CYP2S1: variants seen among roughly 807,000 people sequenced by gnomAD.
CYP2S1 encodes the protein cytochrome P450 family 2 subfamily S member 1.
CYP2S1 carries 32 observed loss-of-function variants against 43.5 expected under a neutral mutation model. The ratio of observed to expected loss-of-function variants is 0.74; its 90% CI spans 0.56 to 0.99. The LOEUF is 0.99. Ranked by LOEUF, CYP2S1 falls within the 50% of genes least tolerant of loss-of-function variation. The pLI is 0.00. For synonymous variants in CYP2S1, 283 were observed against 302.9 expected (o/e 0.93, Z 0.68); for missense variants, 575 against 673.9 (o/e 0.85, Z 1.62).
At chr19:41,198,000 T>C in intron 3 of CYP2S1, 72 bp downstream of exon 3, 1 of 1,511,576 alleles carries the variant, frequency 6.6e-7, no homozygotes, top group Non-Finnish European at 8.8e-7. Context: ...TGGCTGGGGG[T>C]GGCCCCAACC....
At chr19:41,204,155 C>T (rs748117466) in intron 7 of CYP2S1, among the ~76,000 whole-genome samples, 11 of 152,132 alleles carry the variant, frequency 7.2e-5, no homozygotes, top group Non-Finnish European at 1.5e-4. Flanking sequence ...GCCACCGCAC[C>T]CAGCCATGCT....
Position 41,206,074 on chromosome 19 carries a change from T to C in CYP2S1, c.1281T>C (p.His427=). ...FLDADGRFRK[H]EAFLPFSLGK... ...ATGCAGATGGACGGTTCAGGAAGCA[T>C]GAGGCGTTCCTGCCCTTCTCCTTAG... The change falls in exon 8 of 9, where the codon CAT becomes CAC. Residue 427 remains histidine, a synonymous_variant. Transcript: ENST00000310054. The C allele has an allele frequency of 1.2e-6, 2 of 1,614,042 alleles. No homozygotes were observed. The highest frequency in any genetic ancestry group is 1.7e-6 in the Non-Finnish European group (2 of 1,180,004).
Position 41,198,239 on chromosome 19 carries a change from G to A in CYP2S1, c.494-223G>A, listed in dbSNP as rs2033439895. On this transcript the variant is annotated intron_variant, in intron 3 of 8. Coordinates refer to ENST00000310054, the MANE Select transcript of CYP2S1 (RefSeq NM_030622.8). The surrounding 1 kb of genome is among the most constrained non-coding windows in gnomAD (Gnocchi z 4.9). ...TTTTTTGGGCCCTCAGTCTATCTCTGTTTCTGTCTCCCTGTCTGTGTGATG... is the reference window on the plus strand; with the variant it reads ...TTTTTTGGGCCCTCAGTCTATCTCTATTTCTGTCTCCCTGTCTGTGTGATG... Among the ~76,000 whole-genome samples the A allele has an allele frequency of 6.6e-6, 1 of 151,468 alleles. No individual in the cohort carries two copies. The highest frequency in any genetic ancestry group is 2.4e-5 in the African/African-American group (1 of 41,134).
Position 41,197,794 on chromosome 19 carries a change from A to G in CYP2S1, c.359A>G (p.Asn120Ser), listed in dbSNP as rs759122800. Residue 120 changes from asparagine to serine, a missense_variant, in exon 3 of 9, where the codon AAC (asparagine) becomes AGC (serine). By Grantham distance (46) the Asn-to-Ser change is conservative (BLOSUM62 1). This residue lies in a region of CYP2S1 where 353 missense variants were observed against 367.6 expected (regional missense o/e 0.96). Coordinates refer to ENST00000310054, the MANE Select transcript of CYP2S1 (RefSeq NM_030622.8). The stretch of plus-strand genomic sequence containing the variant: ...TTCTGCGCAGGGGTTTTCTTCTCCA[A>G]CGGGGAGCGGTGGAGGCAGCTGAGG... The part of the protein sequence containing the change: ...TFDGHGVFFS[N>S]GERWRQLRKF... 8 of 1,613,926 alleles carry G rather than the reference A, an allele frequency of 5.0e-6. No individual in the cohort carries two copies. The highest frequency in any genetic ancestry group is 4.5e-5 in the East Asian group (2 of 44,880).
At chr19:41,206,168 G>A (rs544380798) in intron 8 of CYP2S1, 69 bp downstream of exon 8, 1 of 1,604,106 alleles carries the variant, frequency 6.2e-7, no homozygotes, top group Non-Finnish European at 8.5e-7. Context: ...CCAGCTGGGG[G>A]CACCCTTCTG....
rs759057974 is a variant in CYP2S1, at chr19:41,206,738, A to C, written c.*250A>C. ...TGCTGGGTTAGCTTTCCACAGACATAAATATAGTCCATCTGCAATCACAAG... is the reference window on the plus strand; with the variant it reads ...TGCTGGGTTAGCTTTCCACAGACATCAATATAGTCCATCTGCAATCACAAG... On this transcript the variant is annotated 3_prime_UTR_variant, in exon 9 of 9. Coordinates refer to ENST00000310054, the MANE Select transcript of CYP2S1 (RefSeq NM_030622.8). 1 of 732,376 alleles carries C rather than the reference A, an allele frequency of 1.4e-6. No homozygotes were observed. The highest frequency in any genetic ancestry group is 2.5e-6 in the Non-Finnish European group (1 of 397,892). The allele number at this position is 732,376 out of a possible 1,614,324, so 45.4% of individuals were successfully genotyped here.
intron 1 of CYP2S1, chr19:41,193,896 G>T: frequency 6.3e-6 from 1 of 157,742 alleles, no homozygotes; most frequent in Non-Finnish European, 1.4e-5. Context: ...AGGCTGGAGG[G>T]TTGCAGGCTC....
Position 41,201,682 on chromosome 19 carries a change from C to T in CYP2S1, c.976+310C>T, listed in dbSNP as rs150158868. On this transcript the variant is annotated intron_variant, in intron 6 of 8. Coordinates refer to ENST00000310054, the MANE Select transcript of CYP2S1 (RefSeq NM_030622.8). ...TCACACCACTGCACTCCAGCCTGGGCGACAGAGCGAGACACTGTTTCAAAA... is the reference window on the plus strand; with the variant it reads ...TCACACCACTGCACTCCAGCCTGGGTGACAGAGCGAGACACTGTTTCAAAA... 2.4e-3 allele frequency among the ~76,000 whole-genome samples: 367 copies of T among 151,514 alleles called. 10 individuals carry two copies. In the East Asian group the frequency reaches 0.061, roughly 25 times the overall value.
Position 41,198,778 on chromosome 19 carries a change from A to C in CYP2S1, c.724A>C (p.Ser242Arg), listed in dbSNP as rs753489997. Residue 242 changes from serine to arginine, a missense_variant, in exon 5 of 9, where the codon AGC becomes CGC. Physicochemically the swap from Ser to Arg is moderately radical, Grantham distance 110. Coordinates refer to ENST00000310054, the MANE Select transcript of CYP2S1 (RefSeq NM_030622.8). The surrounding 1 kb of genome is among the most constrained non-coding windows in gnomAD (Gnocchi z 4.9). ...GPHKQLLHHV[S>R]TLAAFTVRQV... ...CCACAAGCAGCTCCTCCACCACGTC[A>C]GCACCTTGGCTGCCTTCACAGTCCG... 98 of 1,613,998 alleles carry C rather than the reference A, an allele frequency of 6.1e-5. No individual in the cohort carries two copies. The highest frequency in any genetic ancestry group is 8.0e-5 in the Non-Finnish European group (94 of 1,180,016).
chr19:41,207,500 C>A lies in CYP2S1; in HGVS notation c.*1012C>A, dbSNP rs1236779363. 1 of 153,404 alleles carries A rather than the reference C, an allele frequency of 6.5e-6. No homozygotes were observed. Among genetic ancestry groups the A allele is most frequent in the Non-Finnish European group, 1.5e-5 (1 of 68,858 alleles). 9.5% of individuals were successfully genotyped at this position (153,404 alleles called of 1,614,324 possible). On this transcript the variant is annotated 3_prime_UTR_variant, in exon 9 of 9. Coordinates refer to ENST00000310054, the MANE Select transcript of CYP2S1 (RefSeq NM_030622.8). ...CTGACGTTCCTTGTGACTTAAGGGTCCGGCTTGGGAATTAAAGTTTGTTTC... is the reference window on the plus strand; with the variant it reads ...CTGACGTTCCTTGTGACTTAAGGGTACGGCTTGGGAATTAAAGTTTGTTTC...
chr19:41,198,913 C>T lies in CYP2S1; in HGVS notation c.834+25C>T, dbSNP rs760049911. 4 of 1,588,520 alleles carry T rather than the reference C, an allele frequency of 2.5e-6. No homozygotes were observed. The highest frequency in any genetic ancestry group is 3.4e-6 in the Non-Finnish European group (4 of 1,162,156). ...GGTGTGGGAAGGGTGCAGGGACCCC[C>T]TCTCTGAATGGGCGTGGTGACCTGG... On this transcript the variant is annotated intron_variant, in intron 5 of 8. Coordinates refer to ENST00000310054, the MANE Select transcript of CYP2S1 (RefSeq NM_030622.8). The surrounding 1 kb of genome is among the most constrained non-coding windows in gnomAD (Gnocchi z 4.9).
At chr19:41,197,636 G>A (rs1272009481) in intron 2 of CYP2S1, 143 bp from the exon 3 acceptor site, 5 of 1,265,082 alleles carry the variant, frequency 4.0e-6, no homozygotes, top group Non-Finnish European at 5.4e-6. Flanking sequence ...GGAGGCAGAG[G>A]TTGCAGTGAG....
At chr19:41,199,147 C>T (rs2033456296) in intron 5 of CYP2S1, among the ~76,000 whole-genome samples, 1 of 152,116 alleles carries the variant, frequency 6.6e-6, no homozygotes, top group Admixed American at 6.6e-5. Flanking sequence ...TCCAGCATCT[C>T]TCCTCTTTCT....
chr19:41,203,454 G>A lies in CYP2S1; in HGVS notation c.981G>A (p.Trp327Ter). ...LLMKYPHVQK[W>*]VREELNRELG... The stretch of plus-strand genomic sequence containing the variant: ...CTGCCCTCCTCTTGCTTGCAGAGTG[G>A]GTACGTGAGGAGCTGAATCGGGAGC... The change falls in exon 7 of 9, where the codon TGG becomes TGA. Residue 327 changes from tryptophan (W) to a stop codon, truncating the protein, a stop_gained. Transcript: ENST00000310054. LOFTEE classifies it high-confidence loss of function. 1.9e-6 allele frequency: 3 copies of A among 1,603,952 alleles called. No homozygotes were observed. Among genetic ancestry groups the A allele is most frequent in the Non-Finnish European group, 2.6e-6 (3 of 1,175,420 alleles).
chr19:41,198,579 C>T lies in CYP2S1; in HGVS notation c.611C>T (p.Ala204Val). The T allele has an allele frequency of 6.2e-7, 1 of 1,614,210 alleles. No individual in the cohort carries two copies. The highest frequency in any genetic ancestry group is 8.5e-7 in the Non-Finnish European group (1 of 1,180,040). ...EDKEFQAVVR[A>V]AGGTLLGVSS... is the part of the protein sequence containing the mutation. ...AAGGAGTTCCAGGCCGTGGTCCGGG[C>T]AGCTGGTGGTACCCTGCTGGGAGTC... The change falls in exon 4 of 9, where the codon GCA (alanine) becomes GTA (valine). Residue 204 changes from alanine (A) to valine (V), a missense_variant. Coordinates refer to ENST00000310054, the MANE Select transcript of CYP2S1 (RefSeq NM_030622.8). The surrounding 1 kb of genome is among the most constrained non-coding windows in gnomAD (Gnocchi z 4.9).
intron 7 of CYP2S1, among the ~76,000 whole-genome samples, chr19:41,204,594 T>TC (rs1491086911): frequency 5.7e-5 from 2 of 35,128 alleles, no homozygotes; most frequent in African/African-American, 3.8e-4. Context: ...TTCTTCTTCT[T>TC]TTTTTTTTTT....
At position 41,206,213 on chromosome 19, in the gene CYP2S1, G is replaced by C; in HGVS notation, c.1307-67G>C. On this transcript the variant is annotated intron_variant, in intron 8 of 8. Transcript: ENST00000310054. Reference sequence around the variant, plus strand: ...CTTACTGTTGGCTCCTCCACCTGCTGTTCCCCCCGTGGGCCTGGGTGTGAG... The same window carrying C: ...CTTACTGTTGGCTCCTCCACCTGCTCTTCCCCCCGTGGGCCTGGGTGTGAG... The C allele has an allele frequency of 4.3e-6, 7 of 1,611,376 alleles. No homozygotes were observed. The South Asian group carries it at 5.5e-5, about 13-fold the overall frequency.
intron 2 of CYP2S1, 96 bp from the exon 3 acceptor site, chr19:41,197,683 G>A (rs768715031): frequency 1.4e-5 from 21 of 1,554,170 alleles, no homozygotes; most frequent in Admixed American, 1.2e-4. Flanking sequence ...CTGGGCAACA[G>A]AGCGAGATTC....
chr19:41,203,539 G>A lies in CYP2S1; in HGVS notation c.1066G>A (p.Val356Ile). 1 of 1,597,826 alleles carries A rather than the reference G, an allele frequency of 6.3e-7. No homozygotes were observed. The highest frequency in any genetic ancestry group is 8.5e-7 in the Non-Finnish European group (1 of 1,172,522). The change falls in exon 7 of 9, where the codon GTT (valine) becomes ATT (isoleucine). Residue 356 changes from valine (V) to isoleucine (I), a missense_variant. Physicochemically the swap from Val to Ile is conservative, Grantham distance 29 (BLOSUM62 3). Coordinates refer to ENST00000310054, the MANE Select transcript of CYP2S1 (RefSeq NM_030622.8). ...TACCCGCCTCCCTTACACCGACGCG[G>A]TTCTGCATGAGGCGCAGCGGCTGCT... is the stretch of plus-strand genomic sequence containing the variant. ...DRTRLPYTDA[V>I]LHEAQRLLAL...
Sources: allele counts gnomAD v4.1 joint callset (sites outside exome capture counted in the v4.1 genomes callset), GRCh38; gene constraint gnomAD v4.1.1; regional missense constraint gnomAD v4.1.1; non-coding constraint Gnocchi (gnomAD v3.1); transcripts MANE v1.5; gene names NCBI Gene and HGNC (gene_info 2026-07-23, HGNC 2026-07-21).